The following B4GALT6 variants were observed in gnomAD, a reference collection of about 807,000 sequenced individuals.
B4GALT6 encodes UDP-Gal:beta-GlcNAc beta-1,4-galactosyltransferase 6.
Under a neutral mutation model 46.3 loss-of-function variants are expected in B4GALT6, and 14 were observed. The ratio of observed to expected loss-of-function variants is 0.30; its 90% CI spans 0.20 to 0.47. The LOEUF is 0.47. B4GALT6 is among the 20% of genes least tolerant of loss of function. The pLI is 0.99. For missense variants in B4GALT6, 386 were observed against 480.1 expected (o/e 0.80, Z 1.83); for synonymous variants, 168 against 162.0 (o/e 1.04, Z -0.28).
chr18:31,703,908 C>A, the B4GALT6 span, among the ~76,000 whole-genome samples: 3 of 152,104 alleles, frequency 2.0e-5, no homozygotes, highest in African/African-American at 7.2e-5. Flanking sequence ...AAATATTATT[C>A]GGAAAGTTAA....
intron 6 of B4GALT6, among the ~76,000 whole-genome samples, chr18:31,628,918 GCCTCT>G (rs1349056571): frequency 6.6e-6 from 1 of 152,172 alleles, no homozygotes; most frequent in Non-Finnish European, 1.5e-5. Context: ...CATAGAATGT[GCCTCT>G]CCTGCCTCCT....
chr18:31,686,931 G>T (rs962712521), upstream of B4GALT6: 1 of 152,324 alleles, frequency 6.6e-6, no homozygotes, highest in African/African-American at 2.4e-5. Context: ...CTCAGGCAAG[G>T]TTGGCTTTTT....
intron 4 of B4GALT6, among the ~76,000 whole-genome samples, chr18:31,645,131 T>C (rs2073976565): frequency 6.6e-6 from 1 of 151,896 alleles, no homozygotes; most frequent in African/African-American, 2.4e-5. Context: ...TCAAAGAGAA[T>C]GAACCGAGCA....
chr18:31,651,241 T>C (rs1371078547), intron 3 of B4GALT6, among the ~76,000 whole-genome samples: 2 of 152,130 alleles, frequency 1.3e-5, no homozygotes, highest in Non-Finnish European at 2.9e-5. Context: ...TTATCCATGC[T>C]CCAATTCTTT....
At chr18:31,676,063 T>C (rs2074410682) in intron 1 of B4GALT6, among the ~76,000 whole-genome samples, 1 of 152,172 alleles carries the variant, frequency 6.6e-6, no homozygotes, top group Non-Finnish European at 1.5e-5. Flanking sequence ...ACAAGGCACC[T>C]TTTAATTCTC....
chr18:31,655,334 G>A (rs2144634959), intron 3 of B4GALT6, among the ~76,000 whole-genome samples: 1 of 152,358 alleles, frequency 6.6e-6, no homozygotes, highest in Admixed American at 6.5e-5. Context: ...ATTGGGACAG[G>A]ACCCAAAGTT....
chr18:31,664,008 C>A (rs182066355), intron 2 of B4GALT6, among the ~76,000 whole-genome samples: 1 of 152,284 alleles, frequency 6.6e-6, no homozygotes, highest in African/African-American at 2.4e-5. Flanking sequence ...CTATATTTCC[C>A]AGTGTTATCG....
chr18:31,714,334 C>T, the B4GALT6 span, among the ~76,000 whole-genome samples: 11 of 152,190 alleles, frequency 7.2e-5, no homozygotes, highest in Non-Finnish European at 1.3e-4. Flanking sequence ...ATCATGATCA[C>T]CAGCTTGCAC....
chr18:31,721,130 G>A, the B4GALT6 span, among the ~76,000 whole-genome samples: 4 of 149,848 alleles, frequency 2.7e-5, no homozygotes, highest in Non-Finnish European at 5.9e-5. Context: ...AGGCGTATGT[G>A]CATGAGAGTC....
rs373530374 is a variant in B4GALT6, at chr18:31,673,252, T to C, written c.116-6880A>G. 5.3e-5 allele frequency among the ~76,000 whole-genome samples: 8 copies of C among 149,962 alleles called. No individual in the cohort carries two copies. In the South Asian group the frequency reaches 6.4e-4, roughly 12 times the overall value. The stretch of plus-strand genomic sequence containing the variant: ...GGGTAGTAACGGAAGTTAGGAAGGG[T>C]CAAGCAGATGGAGAGTTTAAAAAAA... On this transcript the variant is annotated intron_variant, in intron 1 of 8. Transcript: ENST00000306851.
intron 1 of B4GALT6, among the ~76,000 whole-genome samples, chr18:31,667,347 G>C (rs565517297): frequency 2.2e-4 from 33 of 152,242 alleles, no homozygotes; most frequent in Non-Finnish European, 3.8e-4. Flanking sequence ...CAAAAACCAA[G>C]AAACTGCAAG....
At chr18:31,698,109 G>C in the B4GALT6 span, among the ~76,000 whole-genome samples, 1 of 152,052 alleles carries the variant, frequency 6.6e-6, no homozygotes, top group Admixed American at 6.6e-5. Context: ...CCCATTCTCT[G>C]CCTGTCTTTT....
intron 4 of B4GALT6, among the ~76,000 whole-genome samples, chr18:31,640,371 C>T (rs749290104): frequency 1.3e-5 from 2 of 152,010 alleles, no homozygotes; most frequent in Non-Finnish European, 2.9e-5. Flanking sequence ...ATGTATTTTA[C>T]GTTACCAGGA....
At chr18:31,681,254 T>C (rs2074476632) in intron 1 of B4GALT6, among the ~76,000 whole-genome samples, 1 of 152,238 alleles carries the variant, frequency 6.6e-6, no homozygotes, top group African/African-American at 2.4e-5. Flanking sequence ...TTAAATGCAA[T>C]TCTGTTCTCA....
At chr18:31,668,817 T>C (rs548654885) in intron 1 of B4GALT6, among the ~76,000 whole-genome samples, 25 of 145,860 alleles carry the variant, frequency 1.7e-4, no homozygotes, top group African/African-American at 6.1e-4. Flanking sequence ...CTGGCCAACA[T>C]GGTGAAATGC....
the B4GALT6 span, among the ~76,000 whole-genome samples, chr18:31,695,301 A>AT: frequency 6.6e-6 from 1 of 151,984 alleles, no homozygotes; most frequent in Non-Finnish European, 1.5e-5. Context: ...TAAAAAAAAA[A>AT]AAAAATCTTC....
Position 31,622,597 on chromosome 18 carries a change from T to C in B4GALT6, c.*3017A>G, listed in dbSNP as rs555510363. The C allele has an allele frequency of 6.6e-6, 1 of 152,140 alleles. No individual in the cohort carries two copies. The highest frequency in any genetic ancestry group is 1.5e-5 in the Non-Finnish European group (1 of 67,898). 9.4% of individuals were successfully genotyped at this position (152,140 alleles called of 1,614,324 possible). A position where few individuals can be genotyped will look rare whatever the true frequency, so the allele number is the denominator to read the frequency against. On this transcript the variant is annotated 3_prime_UTR_variant, in exon 9 of 9. Transcript: ENST00000306851. ...GTAGGAAGCCTCCAGAAAGAGAATATTGTATTGGACATTTTTCCATTTTGT... is the reference window on the plus strand; with the variant it reads ...GTAGGAAGCCTCCAGAAAGAGAATACTGTATTGGACATTTTTCCATTTTGT...
chr18:31,670,638 G>A (rs1000772445), intron 1 of B4GALT6, among the ~76,000 whole-genome samples: 11 of 152,194 alleles, frequency 7.2e-5, no homozygotes, highest in African/African-American at 2.7e-4. Context: ...CTATGTCACA[G>A]GGTTGCAAGA....
At chr18:31,723,068 C>A in the B4GALT6 span, among the ~76,000 whole-genome samples, 1 of 152,318 alleles carries the variant, frequency 6.6e-6, no homozygotes, top group South Asian at 2.1e-4. Flanking sequence ...ATGAAAACTA[C>A]ATTTTTGAAC....
Sources: allele counts gnomAD v4.1 joint callset (sites outside exome capture counted in the v4.1 genomes callset), GRCh38; gene constraint gnomAD v4.1.1; transcripts MANE v1.5; gene names NCBI Gene and HGNC (gene_info 2026-07-23, HGNC 2026-07-21).